The following KSR1 variants were observed in gnomAD, a reference collection of about 807,000 sequenced individuals.
The protein encoded by KSR1 is kinase suppressor of ras 1.
Under a neutral mutation model 92.9 loss-of-function variants are expected in KSR1, and 35 were observed. The ratio of observed to expected loss-of-function variants is 0.38; its 90% CI spans 0.29 to 0.50. The LOEUF (loss-of-function observed/expected upper bound fraction) is 0.50. KSR1 is among the 20% of genes least tolerant of loss of function. KSR1 has a pLI of 0.94. For missense variants in KSR1, 972 were observed against 1,158.5 expected (o/e 0.84, Z 2.34); for synonymous variants, 467 against 472.6 (o/e 0.99, Z 0.15).
chr17:27,608,737 G>A (rs75611432), intron 15 of KSR1, among the ~76,000 whole-genome samples: 21,449 of 152,118 alleles, frequency 0.14, 1,671 homozygotes, highest in Admixed American at 0.23. Flanking sequence ...TGGGGACCCC[G>A]CTGTGGGAAT....
chr17:27,500,163 G>C (rs1267883637), intron 1 of KSR1, among the ~76,000 whole-genome samples: 1 of 152,232 alleles, frequency 6.6e-6, no homozygotes, highest in Non-Finnish European at 1.5e-5. Context: ...AAAGAGTGCA[G>C]GGGTCAGTGG....
In KSR1 at chr17:27,621,125, T is replaced by G. The variant is rs2074211673; in HGVS notation, c.2628-68T>G. 7.5e-6 allele frequency: 3 copies of G among 398,586 alleles called. No homozygotes were observed. In the Admixed American group the frequency reaches 1.3e-4, roughly 18 times the overall value. The allele number at this position is 398,586 out of a possible 1,614,324, so 24.7% of individuals were successfully genotyped here. ...CTCCACCTGTCCACACGTGCCTGACTCCATCACATGCCGGGGCCGGACTGC... is the reference window on the plus strand; with the variant it reads ...CTCCACCTGTCCACACGTGCCTGACGCCATCACATGCCGGGGCCGGACTGC... On this transcript the variant is annotated intron_variant, in intron 19 of 20. Transcript: ENST00000644974.
intron 1 of KSR1, chr17:27,526,850 A>C (rs1432880275): frequency 1.4e-6 from 1 of 701,626 alleles, no homozygotes; most frequent in African/African-American, 1.8e-5. Context: ...GGGTGGAAGG[A>C]GTGCTCTGCA....
intron 3 of KSR1, among the ~76,000 whole-genome samples, chr17:27,581,188 G>C (rs984404669): frequency 6.6e-6 from 1 of 152,064 alleles, no homozygotes; most frequent in Non-Finnish European, 1.5e-5. Flanking sequence ...AAGAGCGAGA[G>C]GGGGCAGGGA....
In KSR1 at chr17:27,592,541, A is replaced by C; in HGVS notation, c.1214A>C (p.Glu405Ala). The change falls in exon 9 of 21, where the codon GAA becomes GCA. Residue 405 changes from glutamate to alanine, a missense_variant. Glu to Ala is a moderately radical substitution (Grantham distance 107). This residue lies in a region of KSR1 where 611 missense variants were observed against 668.0 expected (regional missense o/e 0.91). Transcript: ENST00000644974. ...FLPLTRLRRT[E>A]SVPSDINNPV... ...ACAGTAACTCGGCTTCGGAGGACAGAATCTGTCCCCTCGGACATCAACAAC... is the reference window on the plus strand; with the variant it reads ...ACAGTAACTCGGCTTCGGAGGACAGCATCTGTCCCCTCGGACATCAACAAC... The C allele has an allele frequency of 6.2e-7, 1 of 1,613,976 alleles. No individual in the cohort carries two copies. Among genetic ancestry groups the C allele is most frequent in the Non-Finnish European group, 8.5e-7 (1 of 1,179,902 alleles).
intron 19 of KSR1, among the ~76,000 whole-genome samples, chr17:27,618,337 C>T (rs1057470935): frequency 1.3e-5 from 2 of 152,232 alleles, no homozygotes; most frequent in Admixed American, 1.3e-4. Context: ...CTTCTGGCTG[C>T]CTCTGCTAGA....
intron 2 of KSR1, among the ~76,000 whole-genome samples, chr17:27,568,810 G>T (rs578169047): frequency 2.0e-5 from 3 of 152,328 alleles, no homozygotes; most frequent in East Asian, 3.9e-4. Context: ...CTGTTGAGGG[G>T]CACGTCCTGT....
Position 27,623,748 on chromosome 17 carries a change from T to C in KSR1, c.*356T>C. ...GAAATGGCCATCCCCTCTGAGGACC[T>C]TGTAGGCGGTGAGGGACCCATGCTG... On this transcript the variant is annotated 3_prime_UTR_variant, in exon 21 of 21. Coordinates refer to ENST00000644974, the MANE Select transcript of KSR1 (RefSeq NM_001394583.1). 1 of 554,338 alleles carries C rather than the reference T, an allele frequency of 1.8e-6. No homozygotes were observed. The highest frequency in any genetic ancestry group is 3.1e-6 in the Non-Finnish European group (1 of 320,592). The allele number at this position is 554,338 out of a possible 1,614,324, so 34.3% of individuals were successfully genotyped here.
At chr17:27,476,763 C>A (rs571311825) in intron 1 of KSR1, among the ~76,000 whole-genome samples, 2 of 151,442 alleles carry the variant, frequency 1.3e-5, no homozygotes, top group African/African-American at 4.8e-5. Context: ...GGCCTGCTGT[C>A]TATGTTCTGG....
Position 27,623,813 on chromosome 17 carries a change from T to TG in KSR1, c.*425dup, listed in dbSNP as rs2074286574. 3 of 536,552 alleles carry TG rather than the reference T, an allele frequency of 5.6e-6. No homozygotes were observed. The highest frequency in any genetic ancestry group is 9.6e-6 in the Non-Finnish European group (3 of 311,084). The allele number at this position is 536,552 out of a possible 1,614,324, so 33.2% of individuals were successfully genotyped here. A position where few individuals can be genotyped will look rare whatever the true frequency, so the allele number is the denominator to read the frequency against. Reference sequence around the variant, plus strand: ...CAAACATGGTAATTGCAGCTGTTCTTGGGGTAGGGCGGGGAGCCCAGAAGG... The same window carrying TG: ...CAAACATGGTAATTGCAGCTGTTCTTGGGGGTAGGGCGGGGAGCCCAGAAGG... On this transcript the variant is annotated 3_prime_UTR_variant, in exon 21 of 21. Transcript: ENST00000644974.
At chr17:27,566,630 T>G in intron 2 of KSR1, 1 of 398,876 alleles carries the variant, frequency 2.5e-6, no homozygotes, top group Non-Finnish European at 4.4e-6. Context: ...GAGTTGAGTC[T>G]GTTTGCTAGA....
chr17:27,609,149 C>T (rs917402642), intron 15 of KSR1, 47 bp from the exon 16 acceptor site: 9 of 1,583,046 alleles, frequency 5.7e-6, no homozygotes, highest in South Asian at 1.1e-5. Context: ...CAGGGTGGCA[C>T]CTCCGTCATC....
At chr17:27,483,986 T>A (rs1258145269) in intron 1 of KSR1, 2 of 152,310 alleles carry the variant, frequency 1.3e-5, no homozygotes, top group African/African-American at 4.8e-5. Flanking sequence ...AATTCCTAGA[T>A]GGAGAACTCC....
intron 1 of KSR1, among the ~76,000 whole-genome samples, chr17:27,488,893 G>A (rs1398037621): frequency 6.6e-6 from 1 of 152,218 alleles, no homozygotes; most frequent in African/African-American, 2.4e-5. Context: ...GAACCCGGGA[G>A]GCGGAGGTTG....
intron 1 of KSR1, among the ~76,000 whole-genome samples, chr17:27,543,817 C>T (rs1371585218): frequency 6.6e-6 from 1 of 152,188 alleles, no homozygotes; most frequent in South Asian, 2.1e-4. Flanking sequence ...CTGGAGTCAG[C>T]TGGGTGGGTA....
chr17:27,604,863 G>T, intron 13 of KSR1, 135 bp downstream of exon 13: 1 of 832,306 alleles, frequency 1.2e-6, no homozygotes, highest in South Asian at 1.4e-5. Context: ...CATTGCAGAG[G>T]TGCATGTCAG....
At chr17:27,574,533 T>C (rs1267131686) in intron 2 of KSR1, among the ~76,000 whole-genome samples, 1 of 152,184 alleles carries the variant, frequency 6.6e-6, no homozygotes, top group Non-Finnish European at 1.5e-5. Context: ...TACAAAAGCA[T>C]CTGCCGTCAG....
At chr17:27,571,033 C>G (rs1323640865) in intron 2 of KSR1, among the ~76,000 whole-genome samples, 1 of 152,200 alleles carries the variant, frequency 6.6e-6, no homozygotes, top group Admixed American at 6.5e-5. Context: ...TGTCCGAGGT[C>G]AGGGGCATTG....
intron 4 of KSR1, chr17:27,584,121 C>T (rs2072880292): frequency 5.7e-6 from 2 of 347,876 alleles, no homozygotes. Flanking sequence ...GAGTGTTTTC[C>T]TTGGGTGCCT....
Sources: allele counts gnomAD v4.1 joint callset (sites outside exome capture counted in the v4.1 genomes callset), GRCh38; gene constraint gnomAD v4.1.1; regional missense constraint gnomAD v4.1.1; transcripts MANE v1.5; gene names NCBI Gene and HGNC (gene_info 2026-07-23, HGNC 2026-07-21).